The following PRLR variants were observed in gnomAD, a reference collection of about 807,000 sequenced individuals.
PRLR encodes prolactin receptor.
In PRLR, 13 loss-of-function variants were observed where a neutral mutation model predicts 40.2. The observed-to-expected ratio is 0.32, with a 90% CI of 0.21 to 0.51. The LOEUF is 0.51. Among genes scored for constraint, PRLR ranks in the 20% least tolerant of loss-of-function variants. PRLR has a pLI of 0.97. For missense variants in PRLR, 656 were observed against 747.3 expected (o/e 0.88, Z 1.42); for synonymous variants, 269 against 278.7 (o/e 0.97, Z 0.35).
rs537054646 is a variant in PRLR, at chr5:35,061,829, A to T, written c.*3260T>A. 6.6e-6 allele frequency: 1 copy of T among 152,312 alleles called. No individual in the cohort carries two copies. The highest frequency in any genetic ancestry group is 2.1e-4 in the South Asian group (1 of 4,828). 9.4% of individuals were successfully genotyped at this position (152,312 alleles called of 1,614,324 possible). Reference sequence around the variant, plus strand: ...ATGAGCCAACTGTGCAATGGTTGTTAACAATCTAGGATGGTGCAAGGAAAA... The same window carrying T: ...ATGAGCCAACTGTGCAATGGTTGTTTACAATCTAGGATGGTGCAAGGAAAA... On this transcript the variant is annotated 3_prime_UTR_variant, in exon 10 of 10. Transcript: ENST00000618457.
intron 1 of PRLR, among the ~76,000 whole-genome samples, chr5:35,131,066 AAGCCATCT>A (rs1773655024): frequency 1.3e-5 from 2 of 152,196 alleles, no homozygotes; most frequent in African/African-American, 4.8e-5. Flanking sequence ...TTGTTGTTGT[AAGCCATCT>A]AGTTGTGGTG....
At chr5:35,151,451 T>C (rs767748329) in intron 1 of PRLR, among the ~76,000 whole-genome samples, 2 of 152,176 alleles carry the variant, frequency 1.3e-5, no homozygotes, top group Admixed American at 6.5e-5. Context: ...ATGAGCAAGA[T>C]GACCAAGAAT....
intron 1 of PRLR, among the ~76,000 whole-genome samples, chr5:35,171,049 GTTT>G (rs199742431): frequency 2.2e-5 from 3 of 136,392 alleles, no homozygotes; most frequent in South Asian, 2.4e-4. Context: ...GTTTTTCCCT[GTTT>G]TTTTTTTTTT....
intron 1 of PRLR, among the ~76,000 whole-genome samples, chr5:35,182,769 C>T (rs1472926180): frequency 6.6e-6 from 1 of 152,216 alleles, no homozygotes; most frequent in African/African-American, 2.4e-5. Context: ...AGGATTTAAA[C>T]CCCTGTGGGC....
chr5:35,079,595 A>G (rs1007762717), intron 5 of PRLR, among the ~76,000 whole-genome samples: 1 of 152,336 alleles, frequency 6.6e-6, no homozygotes, highest in African/African-American at 2.4e-5. Context: ...ATGCTCATGG[A>G]TAGGAAGAAT....
intron 1 of PRLR, among the ~76,000 whole-genome samples, chr5:35,133,574 A>G (rs897170794): frequency 4.6e-5 from 7 of 152,172 alleles, no homozygotes; most frequent in Non-Finnish European, 7.4e-5. Flanking sequence ...CTGCACTTTA[A>G]GCTCACTTCC....
intron 1 of PRLR, among the ~76,000 whole-genome samples, chr5:35,194,344 C>G (rs1456309488): frequency 6.6e-6 from 1 of 152,186 alleles, no homozygotes; most frequent in Non-Finnish European, 1.5e-5. Flanking sequence ...GGGGCTGCCT[C>G]TCTCACTGAG....
At chr5:35,215,275 G>A (rs1001299021) in intron 1 of PRLR, among the ~76,000 whole-genome samples, 24 of 152,194 alleles carry the variant, frequency 1.6e-4, no homozygotes, top group Non-Finnish European at 5.9e-5. Flanking sequence ...AGTACAAGAA[G>A]GGTGTGAAAT....
At chr5:35,197,673 G>A (rs757802162) in intron 1 of PRLR, among the ~76,000 whole-genome samples, 6 of 152,144 alleles carry the variant, frequency 3.9e-5, no homozygotes, top group Non-Finnish European at 8.8e-5. Context: ...CAATTAACTG[G>A]TAGCATCCCC....
chr5:35,191,313 G>C lies in PRLR; in HGVS notation c.-106+38955C>G, dbSNP rs1167851346. On this transcript the variant is annotated intron_variant, in intron 1 of 9. Coordinates refer to ENST00000618457, the MANE Select transcript of PRLR (RefSeq NM_000949.7). Reference sequence around the variant, plus strand: ...TCTCGATCTCCTGACCTCGTGATCCGCCCGCCTCGGCCTCCCAAAGTGCTG... The same window carrying C: ...TCTCGATCTCCTGACCTCGTGATCCCCCCGCCTCGGCCTCCCAAAGTGCTG... Among the ~76,000 whole-genome samples, 2 of 87,566 alleles carry C rather than the reference G, an allele frequency of 2.3e-5. 1 individual carries two copies. Among genetic ancestry groups the C allele is most frequent in the East Asian group, 5.4e-4 (2 of 3,680 alleles). 57.4% of individuals were successfully genotyped at this position (87,566 alleles called of 152,430 possible).
At chr5:35,051,822 A>G (rs1300130107), downstream of PRLR, among the ~76,000 whole-genome samples, 1 of 152,364 alleles carries the variant, frequency 6.6e-6, no homozygotes, top group East Asian at 1.9e-4. Context: ...CACCTAAAAC[A>G]TAATGACACA....
intron 1 of PRLR, among the ~76,000 whole-genome samples, chr5:35,124,793 T>C (rs151180150): frequency 0.02 from 2,978 of 152,266 alleles, 58 homozygotes; most frequent in Non-Finnish European, 0.027. Context: ...CACCAGTCAA[T>C]AGATTAACAG....
intron 1 of PRLR, among the ~76,000 whole-genome samples, chr5:35,191,616 C>G (rs997253284): frequency 3.9e-5 from 6 of 152,220 alleles, no homozygotes; most frequent in Non-Finnish European, 7.3e-5. Flanking sequence ...CTCCTGCCAA[C>G]AGACCTTCCA....
intron 2 of PRLR, among the ~76,000 whole-genome samples, chr5:35,094,322 T>C (rs1016516136): frequency 1.3e-5 from 2 of 152,236 alleles, no homozygotes; most frequent in Non-Finnish European, 2.9e-5. Flanking sequence ...TCATTTCACA[T>C]GGGTGTAGGA....
At chr5:35,083,244 G>A (rs1029952643) in intron 5 of PRLR, among the ~76,000 whole-genome samples, 1 of 152,076 alleles carries the variant, frequency 6.6e-6, no homozygotes, top group Non-Finnish European at 1.5e-5. Context: ...CATTGTCCCT[G>A]CTTCACCACC....
chr5:35,135,732 G>A lies in PRLR; in HGVS notation c.-105-17610C>T, dbSNP rs116927286. ...TTTTCTGACCATCTTTGTTAGACGC[G>A]GCAATCACGATGCCTGCCTCAGCCA... On this transcript the variant is annotated intron_variant, in intron 1 of 9. Coordinates refer to ENST00000618457, the MANE Select transcript of PRLR (RefSeq NM_000949.7). Among the ~76,000 whole-genome samples the A allele has an allele frequency of 5.5e-4, 84 of 152,240 alleles. No homozygotes were observed. The East Asian group carries it at 0.014, about 25-fold the overall frequency.
At chr5:35,119,695 T>C (rs1432438815) in intron 1 of PRLR, among the ~76,000 whole-genome samples, 7 of 152,194 alleles carry the variant, frequency 4.6e-5, no homozygotes, top group African/African-American at 1.7e-4. Context: ...AAGTTCTCTC[T>C]TTGATTAGAG....
At chr5:35,164,405 A>G (rs1007491912) in intron 1 of PRLR, among the ~76,000 whole-genome samples, 4 of 152,226 alleles carry the variant, frequency 2.6e-5, no homozygotes, top group Admixed American at 2.6e-4. Flanking sequence ...TGAACCATGT[A>G]AAGCTTATAC....
intron 1 of PRLR, among the ~76,000 whole-genome samples, chr5:35,213,065 T>C (rs376830704): frequency 2.0e-5 from 3 of 152,342 alleles, no homozygotes; most frequent in African/African-American, 7.2e-5. Flanking sequence ...AATAATGCCC[T>C]AGCTGCTTGA....
Sources: gnomAD v4.1 joint callset for allele counts (sites outside exome capture counted in the v4.1 genomes callset) on GRCh38, gnomAD v4.1.1 for gene constraint, MANE v1.5 for transcripts, NCBI Gene and HGNC (gene_info 2026-07-23, HGNC 2026-07-21) for gene names.